TASP1: variants seen among roughly 807,000 people sequenced by gnomAD.
TASP1 encodes threonine aspartase 1.
In TASP1, 16 loss-of-function variants were observed where a neutral mutation model predicts 56.6. That is an observed-to-expected ratio of 0.28 (90% confidence interval 0.19 to 0.43). The LOEUF (loss-of-function observed/expected upper bound fraction) is 0.43. TASP1 is among the 20% of genes least tolerant of loss of function. The probability of loss-of-function intolerance (pLI) is 1.00; values close to 1 mark genes in which losing one functional copy is unlikely to be tolerated. For missense variants in TASP1, 393 were observed against 511.6 expected (o/e 0.77, Z 2.24); for synonymous variants, 179 against 184.2 (o/e 0.97, Z 0.23).
intron 12 of TASP1, among the ~76,000 whole-genome samples, chr20:13,420,972 A>G (rs1333590016): frequency 6.6e-6 from 1 of 152,256 alleles, no homozygotes; most frequent in East Asian, 1.9e-4. Context: ...ATCAAACACA[A>G]ACACCAAATA....
At position 13,435,531 on chromosome 20, in the gene TASP1, G is replaced by T. The variant is rs533082647; in HGVS notation, c.986-377C>A. ...TTACCACAGGCTCTCCCTGCTGTCAGGGACACACCACCAAAAGCTTCAGTT... is the reference window on the plus strand; with the variant it reads ...TTACCACAGGCTCTCCCTGCTGTCATGGACACACCACCAAAAGCTTCAGTT... On this transcript the variant is annotated intron_variant, in intron 11 of 13. Transcript: ENST00000337743. 2.6e-5 allele frequency among the ~76,000 whole-genome samples: 4 copies of T among 152,288 alleles called. No homozygotes were observed. In the South Asian group the frequency reaches 8.3e-4, roughly 32 times the overall value.
the TASP1 span, among the ~76,000 whole-genome samples, chr20:13,373,095 C>T: frequency 1.3e-5 from 2 of 151,880 alleles, no homozygotes; most frequent in African/African-American, 4.8e-5. Context: ...TCTTATTTAT[C>T]ATTTCTAGTT....
the TASP1 span, among the ~76,000 whole-genome samples, chr20:13,309,549 C>G: frequency 6.6e-6 from 1 of 152,226 alleles, no homozygotes; most frequent in South Asian, 2.1e-4. Flanking sequence ...GACAAGCATG[C>G]TCACTCTTAC....
At chr20:13,162,937 C>T in the TASP1 span, among the ~76,000 whole-genome samples, 2,169 of 152,246 alleles carry the variant, frequency 0.014, 25 homozygotes, top group South Asian at 0.026. Flanking sequence ...AAACCTAACT[C>T]TGAGCACGAG....
chr20:13,595,082 A>C (rs564483073), intron 4 of TASP1, among the ~76,000 whole-genome samples: 14 of 152,340 alleles, frequency 9.2e-5, no homozygotes, highest in African/African-American at 3.1e-4. Context: ...CAACATTCTT[A>C]AAGAAAAGAA....
chr20:13,406,668 C>CTTTTTTTTTTTTTTT, intron 13 of TASP1, among the ~76,000 whole-genome samples: 1 of 117,692 alleles, frequency 8.5e-6, no homozygotes, highest in Non-Finnish European at 1.8e-5. Flanking sequence ...AGGGTTTTTT[C>CTTTTTTTTTTTTTTT]TTTTTTTTTT....
chr20:13,251,019 G>A, the TASP1 span, among the ~76,000 whole-genome samples: 1 of 152,090 alleles, frequency 6.6e-6, no homozygotes, highest in Non-Finnish European at 1.5e-5. Flanking sequence ...TATAACTTAT[G>A]ACCATTGATT....
At chr20:13,564,459 C>T (rs1244209057) in intron 7 of TASP1, among the ~76,000 whole-genome samples, 1 of 151,754 alleles carries the variant, frequency 6.6e-6, no homozygotes, top group Admixed American at 6.6e-5. Context: ...AAAAGACACC[C>T]AGGTTCATGA....
chr20:13,105,180 G>A, the TASP1 span, among the ~76,000 whole-genome samples: 1 of 152,248 alleles, frequency 6.6e-6, no homozygotes, highest in Non-Finnish European at 1.5e-5. Flanking sequence ...CTAAGGTGGG[G>A]CCAGAATCCA....
chr20:13,457,926 C>G (rs1386119245), intron 11 of TASP1, among the ~76,000 whole-genome samples: 2 of 152,154 alleles, frequency 1.3e-5, no homozygotes, highest in Non-Finnish European at 2.9e-5. Flanking sequence ...AATTGCCTGA[C>G]AGTGTAAAAA....
chr20:13,609,491 C>G (rs1214804175), intron 4 of TASP1, among the ~76,000 whole-genome samples: 1 of 152,062 alleles, frequency 6.6e-6, no homozygotes, highest in African/African-American at 2.4e-5. Context: ...CAAAATCAGC[C>G]TGGCCAACAT....
the TASP1 span, among the ~76,000 whole-genome samples, chr20:13,376,950 C>T: frequency 1.3e-5 from 2 of 152,202 alleles, no homozygotes; most frequent in African/African-American, 2.4e-5. Flanking sequence ...GCAGAAGTTG[C>T]TTATCAGCTT....
chr20:13,459,521 G>T (rs1171463295), intron 11 of TASP1, among the ~76,000 whole-genome samples: 2 of 152,094 alleles, frequency 1.3e-5, no homozygotes, highest in East Asian at 3.9e-4. Context: ...ACCAAACTTT[G>T]CTGAAGATAA....
chr20:13,362,107 C>G, the TASP1 span, among the ~76,000 whole-genome samples: 1 of 150,150 alleles, frequency 6.7e-6, no homozygotes, highest in African/African-American at 2.5e-5. Context: ...CACGCCGCCC[C>G]TAATCCCGCT....
At chr20:13,512,783 G>C (rs2044385198) in intron 10 of TASP1, among the ~76,000 whole-genome samples, 2 of 152,186 alleles carry the variant, frequency 1.3e-5, no homozygotes, top group South Asian at 4.1e-4. Flanking sequence ...TTTGTATAAA[G>C]TGTAAGGAAG....
intron 11 of TASP1, among the ~76,000 whole-genome samples, chr20:13,459,545 C>T (rs2043975413): frequency 6.6e-6 from 1 of 152,200 alleles, no homozygotes; most frequent in Non-Finnish European, 1.5e-5. Context: ...CACTACCATG[C>T]TGACCATGCC....
intron 4 of TASP1, among the ~76,000 whole-genome samples, chr20:13,619,203 C>G (rs1223853637): frequency 2.0e-5 from 3 of 152,124 alleles, no homozygotes; most frequent in African/African-American, 7.2e-5. Flanking sequence ...CGGCCCCTAT[C>G]ACTATTCTTA....
At chr20:13,634,981 C>T (rs1165642742) in intron 1 of TASP1, among the ~76,000 whole-genome samples, 1 of 151,874 alleles carries the variant, frequency 6.6e-6, no homozygotes. Flanking sequence ...TGAGCAGAGA[C>T]CGCGCCATCG....
chr20:13,393,076 T>C (rs775133071), intron 13 of TASP1: 10 of 609,688 alleles, frequency 1.6e-5, no homozygotes, highest in Admixed American at 7.8e-5. Context: ...TATATAGGCA[T>C]GAACCATGAG....
Sources: gnomAD v4.1 joint callset for allele counts (sites outside exome capture counted in the v4.1 genomes callset) on GRCh38, gnomAD v4.1.1 for gene constraint, MANE v1.5 for transcripts, NCBI Gene and HGNC (gene_info 2026-07-23, HGNC 2026-07-21) for gene names.